Variants in TIPARP observed in about 807,000 individuals in gnomAD.
The protein encoded by TIPARP is protein mono-ADP-ribosyltransferase TIPARP.
In TIPARP, 12 loss-of-function variants were observed where a neutral mutation model predicts 56.5. The ratio of observed to expected loss-of-function variants is 0.21; its 90% CI spans 0.14 to 0.34. TIPARP has a LOEUF of 0.34. Among genes scored for constraint, TIPARP ranks in the 10% least tolerant of loss-of-function variants. The pLI, the probability that TIPARP is intolerant of heterozygous loss-of-function variation, is 1.00. For synonymous variants in TIPARP, 296 were observed against 265.7 expected, an observed-to-expected ratio of 1.11 and a Z score of -1.11; for missense variants, 604 against 781.6, an observed-to-expected ratio of 0.77 and a Z score of 2.71.
intron 2 of TIPARP, among the ~76,000 whole-genome samples, chr3:156,689,705 T>A (rs1722517943): frequency 6.6e-6 from 1 of 152,268 alleles, no homozygotes; most frequent in South Asian, 2.1e-4. Flanking sequence ...CATAGATACA[T>A]ATACCCTAAC....
At chr3:156,701,569 G>T (rs190857735) in intron 4 of TIPARP, among the ~76,000 whole-genome samples, 1 of 152,220 alleles carries the variant, frequency 6.6e-6, no homozygotes, top group Admixed American at 6.5e-5. Context: ...TTGCTTCCCC[G>T]CCATTCCTCC....
At chr3:156,688,749 C>G (rs1722496582) in intron 2 of TIPARP, among the ~76,000 whole-genome samples, 1 of 152,108 alleles carries the variant, frequency 6.6e-6, no homozygotes, top group Admixed American at 6.6e-5. Context: ...CTGGAAATAT[C>G]AAAGCCAGGT....
rs931468426 is a variant in TIPARP, at chr3:156,692,230, T to A, written c.918-1790T>A. ...CAATCTTAACAGGGAGAAAGTTTTT[T>A]ATCTCACTTCCCAATCATAACATCA... On this transcript the variant is annotated intron_variant, in intron 2 of 5. Coordinates refer to ENST00000295924, the MANE Select transcript of TIPARP (RefSeq NM_015508.5). Among the ~76,000 whole-genome samples the A allele has an allele frequency of 3.3e-5, 5 of 152,176 alleles. No homozygotes were observed. The East Asian group carries it at 9.6e-4, about 29-fold the overall frequency.
At chr3:156,681,517 A>G (rs1559971391) in intron 2 of TIPARP, among the ~76,000 whole-genome samples, 2 of 152,218 alleles carry the variant, frequency 1.3e-5, no homozygotes, top group African/African-American at 2.4e-5. Context: ...TACAGATAAA[A>G]TCTTTTATTT....
rs76374809 is a variant in TIPARP at position 156,685,900 on chromosome 3, T to C, written c.917+7286T>C. ...CTGTGATCTTCACAGTTCCTGCAGC[T>C]GATCAAGGTGTAGAGAGGGCAAATG... On this transcript the variant is annotated intron_variant, in intron 2 of 5. Coordinates refer to ENST00000295924, the MANE Select transcript of TIPARP (RefSeq NM_015508.5). 8.8e-3 allele frequency among the ~76,000 whole-genome samples: 1,347 copies of C among 152,330 alleles called. 48 individuals are homozygous for C. The East Asian group carries it at 0.11, about 13-fold the overall frequency.
At chr3:156,693,472 C>A (rs1223886661) in intron 2 of TIPARP, among the ~76,000 whole-genome samples, 1 of 151,998 alleles carries the variant, frequency 6.6e-6, no homozygotes, top group Non-Finnish European at 1.5e-5. Context: ...ATTTTTCAAC[C>A]CACAGGATAA....
At chr3:156,688,582 A>C (rs1329549777) in intron 2 of TIPARP, among the ~76,000 whole-genome samples, 2 of 152,048 alleles carry the variant, frequency 1.3e-5, no homozygotes, top group Non-Finnish European at 2.9e-5. Context: ...CTTCTAAAGA[A>C]GAAAGTTACG....
chr3:156,676,910 A>G (rs1043009483), intron 1 of TIPARP, among the ~76,000 whole-genome samples: 1 of 152,144 alleles, frequency 6.6e-6, no homozygotes, highest in Non-Finnish European at 1.5e-5. Context: ...CTGTGTTACC[A>G]AGTTGTGCTT....
Position 156,678,037 on chromosome 3 carries a change from A to G in TIPARP, c.340A>G (p.Arg114Gly), listed in dbSNP as rs1171574601. Residue 114 changes from arginine to glycine, a missense_variant, in exon 2 of 6, where the codon AGG (arginine) becomes GGG (glycine). By Grantham distance (125) the Arg-to-Gly change is moderately radical (BLOSUM62 -2). Around this residue, in one of 4 missense-constraint regions of TIPARP, gnomAD observed 261 missense variants for 279.2 expected, o/e 0.93. Transcript: ENST00000295924. Reference sequence around the variant, plus strand: ...TAATATGTCTGTTCTGATTCCTGATAGGACAAATGTTGGGGACCAGATACC... The same window carrying G: ...TAATATGTCTGTTCTGATTCCTGATGGGACAAATGTTGGGGACCAGATACC... ...ENNMSVLIPDRTNVGDQIPEA... is the reference protein window; with the variant it reads ...ENNMSVLIPDGTNVGDQIPEA... 21 of 1,614,040 alleles carry G rather than the reference A, an allele frequency of 1.3e-5. No homozygotes were observed. Among genetic ancestry groups the G allele is most frequent in the Non-Finnish European group, 1.8e-5 (21 of 1,180,034 alleles).
Position 156,702,019 on chromosome 3 carries a change from CGGTGGTGGTGGTGGTGGT to C in TIPARP, c.1248-1368_1248-1351del, listed in dbSNP as rs67188281. 3.9e-3 allele frequency among the ~76,000 whole-genome samples: 389 copies of C among 98,658 alleles called. 1 individual carries two copies. Among genetic ancestry groups the C allele is most frequent in the African/African-American group, 0.012 (289 of 24,536 alleles). The allele number at this position is 98,658 out of a possible 152,430, so 64.7% of individuals were successfully genotyped here. A position where few individuals can be genotyped will look rare whatever the true frequency, so the allele number is the denominator to read the frequency against. On this transcript the variant is annotated intron_variant, in intron 4 of 5. Coordinates refer to ENST00000295924, the MANE Select transcript of TIPARP (RefSeq NM_015508.5). ...AAAAGACTGTGTGTTGATGATAATG[CGGTGGTGGTGGTGGTGGT>C]GGTGGTGGTGGTGGTGGTGGTGGTG...
intron 1 of TIPARP, 32 bp from the exon 2 acceptor site, chr3:156,677,625 G>A (rs1722174127): frequency 7.1e-7 from 1 of 1,417,158 alleles, no homozygotes; most frequent in Non-Finnish European, 9.5e-7. Flanking sequence ...CTGTCAGTTT[G>A]TAAATGATCA....
Position 156,678,136 on chromosome 3 carries a change from C to T in TIPARP, c.439C>T (p.Leu147Phe), listed in dbSNP as rs371094017. 2 of 1,614,008 alleles carry T rather than the reference C, an allele frequency of 1.2e-6. No individual in the cohort carries two copies. The highest frequency in any genetic ancestry group is 1.3e-5 in the African/African-American group (1 of 75,030). Residue 147 changes from leucine (L) to phenylalanine (F), a missense_variant, in exon 2 of 6, where the codon CTC becomes TTC. Coordinates refer to ENST00000295924, the MANE Select transcript of TIPARP (RefSeq NM_015508.5). ...AGATCACAGCTTTCCATCAGAAACC[C>T]TCAGTGGGACGGTGGCAGATTCCAC... ...IQDHSFPSET[L>F]SGTVADSTPA...
intron 1 of TIPARP, chr3:156,675,102 G>C (rs952263731): frequency 2.6e-5 from 4 of 152,314 alleles, no homozygotes; most frequent in African/African-American, 9.6e-5. Flanking sequence ...TCGTCAGGGT[G>C]GGGGCGCGTC....
chr3:156,704,569 T>C, intron 5 of TIPARP, 115 bp from the exon 6 acceptor site: 1 of 1,058,370 alleles, frequency 9.4e-7, no homozygotes, highest in Non-Finnish European at 1.4e-6. Context: ...TTGATGGCAT[T>C]TTGCCCTTGA....
chr3:156,697,422 C>CTTTTT (rs60091681), intron 4 of TIPARP, among the ~76,000 whole-genome samples: 2 of 140,290 alleles, frequency 1.4e-5, no homozygotes, highest in African/African-American at 2.6e-5. Flanking sequence ...AATATGCCCT[C>CTTTTT]TTTTTTTTTT....
chr3:156,680,671 A>G (rs1350293530), intron 2 of TIPARP, among the ~76,000 whole-genome samples: 2 of 152,230 alleles, frequency 1.3e-5, no homozygotes, highest in African/African-American at 4.8e-5. Flanking sequence ...TTGATCCCAG[A>G]AAATCCAGGA....
chr3:156,696,850 C>T (rs752699799), intron 4 of TIPARP, among the ~76,000 whole-genome samples: 1 of 152,234 alleles, frequency 6.6e-6, no homozygotes, highest in Admixed American at 6.5e-5. Context: ...AGAAGTCTAG[C>T]GTAATGGTTG....
At chr3:156,699,659 G>T (rs999948406) in intron 4 of TIPARP, among the ~76,000 whole-genome samples, 1 of 152,068 alleles carries the variant, frequency 6.6e-6, no homozygotes, top group Non-Finnish European at 1.5e-5. Flanking sequence ...TTGCTTTATT[G>T]CAGTGGTCTG....
At chr3:156,702,067 TGG>T (rs1722860574) in intron 4 of TIPARP, among the ~76,000 whole-genome samples, 28 of 124,264 alleles carry the variant, frequency 2.3e-4, no homozygotes, top group South Asian at 9.8e-4. Context: ...GTGGTGGTGG[TGG>T]TGGTTGTGGT....
Sources: allele counts gnomAD v4.1 joint callset (sites outside exome capture counted in the v4.1 genomes callset), GRCh38; gene constraint gnomAD v4.1.1; regional missense constraint gnomAD v4.1.1; transcripts MANE v1.5; gene names NCBI Gene and HGNC (gene_info 2026-07-23, HGNC 2026-07-21).